The following LRRC37A2 variants were observed in gnomAD, a reference collection of about 807,000 sequenced individuals.
The protein encoded by LRRC37A2 is leucine rich repeat containing 37 member A2, also known as leucine-rich repeat-containing protein 37A2.
In LRRC37A2, 9 loss-of-function variants were observed where a neutral mutation model predicts 68.8. That is an observed-to-expected ratio of 0.13 (90% CI 0.08 to 0.23). The LOEUF (loss-of-function observed/expected upper bound fraction) is 0.23, where lower values mean the gene tolerates loss of function less well. Among genes scored for constraint, LRRC37A2 ranks in the 10% least tolerant of loss-of-function variants. The probability of loss-of-function intolerance (pLI) is 1.00; values close to 1 mark genes in which losing one functional copy is unlikely to be tolerated. For missense variants in LRRC37A2, 168 were observed against 950.4 expected (o/e 0.18, Z 10.82); for synonymous variants, 63 against 367.6 (o/e 0.17, Z 9.48).
the LRRC37A2 span, among the ~76,000 whole-genome samples, chr17:46,916,096 G>T: frequency 1.3e-5 from 2 of 152,152 alleles, no homozygotes; most frequent in Non-Finnish European, 2.9e-5. Flanking sequence ...CCTCCAGCTG[G>T]TACAAGGTGT....
the LRRC37A2 span, among the ~76,000 whole-genome samples, chr17:47,023,000 C>T: frequency 5.3e-5 from 8 of 152,184 alleles, no homozygotes; most frequent in Non-Finnish European, 1.0e-4. Context: ...AAATTTTGTG[C>T]CAACTTACTC....
At chr17:46,726,720 G>A in the LRRC37A2 span, 3 of 971,516 alleles carry the variant, frequency 3.1e-6, no homozygotes, top group Admixed American at 1.7e-5. Flanking sequence ...TAAAGCAATA[G>A]AAATACCTTT....
At chr17:46,848,178 G>A in the LRRC37A2 span, among the ~76,000 whole-genome samples, 1 of 152,196 alleles carries the variant, frequency 6.6e-6, no homozygotes, top group African/African-American at 2.4e-5. Context: ...ACACCCATGG[G>A]GGAACAGTGG....
chr17:46,874,739 G>A, the LRRC37A2 span, among the ~76,000 whole-genome samples: 15 of 151,860 alleles, frequency 9.9e-5, no homozygotes, highest in Non-Finnish European at 1.8e-4. Flanking sequence ...CACCATGCCC[G>A]GCTAATTTTT....
At chr17:46,860,258 C>A in the LRRC37A2 span, among the ~76,000 whole-genome samples, 3 of 152,110 alleles carry the variant, frequency 2.0e-5, no homozygotes, top group South Asian at 4.1e-4. Flanking sequence ...GGAAGCGGGG[C>A]CGGCAGACTC....
At chr17:46,942,640 G>C in the LRRC37A2 span, among the ~76,000 whole-genome samples, 2 of 152,222 alleles carry the variant, frequency 1.3e-5, no homozygotes, top group African/African-American at 4.8e-5. Context: ...TTCCCTGTTG[G>C]GAAATAATTT....
the LRRC37A2 span, among the ~76,000 whole-genome samples, chr17:46,938,360 C>T: frequency 2.6e-5 from 4 of 152,124 alleles, no homozygotes; most frequent in Non-Finnish European, 5.9e-5. Flanking sequence ...TATAGTCAGT[C>T]GTTCCAGCAC....
the LRRC37A2 span, among the ~76,000 whole-genome samples, chr17:46,918,596 GACACACACACACACACAC>G: frequency 3.0e-4 from 44 of 146,762 alleles, no homozygotes; most frequent in Middle Eastern, 6.8e-3. Context: ...ATAGCAGGCA[GACACACACACACACACAC>G]ACACACACAC....
At chr17:46,791,346 G>C in the LRRC37A2 span, among the ~76,000 whole-genome samples, 1 of 152,042 alleles carries the variant, frequency 6.6e-6, no homozygotes, top group African/African-American at 2.4e-5. Flanking sequence ...TGGGATTACA[G>C]ACGAGGACCA....
the LRRC37A2 span, among the ~76,000 whole-genome samples, chr17:46,707,353 CT>C: frequency 3.3e-5 from 5 of 152,096 alleles, no homozygotes; most frequent in Admixed American, 1.3e-4. Flanking sequence ...TTTATATACT[CT>C]TTTTTTCTCA....
the LRRC37A2 span, among the ~76,000 whole-genome samples, chr17:46,844,055 G>A: frequency 2.6e-5 from 4 of 152,186 alleles, no homozygotes; most frequent in Non-Finnish European, 4.4e-5. Context: ...CCATGCTCAA[G>A]AAATCCTCCC....
chr17:46,919,642 C>T, the LRRC37A2 span, among the ~76,000 whole-genome samples: 49 of 152,148 alleles, frequency 3.2e-4, no homozygotes, highest in East Asian at 2.5e-3. Flanking sequence ...AAAGAAAAAC[C>T]CAATCTGACA....
chr17:46,866,633 C>T, the LRRC37A2 span, among the ~76,000 whole-genome samples: 1 of 152,048 alleles, frequency 6.6e-6, no homozygotes, highest in Non-Finnish European at 1.5e-5. Flanking sequence ...TGGAAGCCAG[C>T]ACCCCGGGCA....
chr17:46,503,001 A>G, the LRRC37A2 span, among the ~76,000 whole-genome samples: 3 of 150,676 alleles, frequency 2.0e-5, no homozygotes, highest in African/African-American at 2.5e-5. Context: ...TCCCGATGTC[A>G]GGAGATGGAG....
At chr17:46,822,038 TG>T in the LRRC37A2 span, among the ~76,000 whole-genome samples, 35 of 151,978 alleles carry the variant, frequency 2.3e-4, 1 homozygote, top group East Asian at 4.9e-3. Flanking sequence ...CGGACCAACC[TG>T]GGGGGGTAAA....
the LRRC37A2 span, among the ~76,000 whole-genome samples, chr17:46,864,307 C>T: frequency 6.6e-6 from 1 of 152,176 alleles, no homozygotes; most frequent in Non-Finnish European, 1.5e-5. Flanking sequence ...CCCTGAACTT[C>T]CCACCCACTG....
At chr17:47,036,589 A>G in the LRRC37A2 span, among the ~76,000 whole-genome samples, 1 of 152,162 alleles carries the variant, frequency 6.6e-6, no homozygotes, top group East Asian at 1.9e-4. Context: ...CCATTTAAAA[A>G]AAAAAACATT....
chr17:46,716,624 TTA>T, the LRRC37A2 span, among the ~76,000 whole-genome samples: 1 of 152,132 alleles, frequency 6.6e-6, no homozygotes, highest in Non-Finnish European at 1.5e-5. Context: ...CACAAATAAT[TTA>T]TAGAGTTTTA....
the LRRC37A2 span, among the ~76,000 whole-genome samples, chr17:46,783,630 G>A: frequency 6.6e-6 from 1 of 152,216 alleles, no homozygotes; most frequent in East Asian, 1.9e-4. Flanking sequence ...CTGGGCCAGA[G>A]GGTGCACGGT....
Sources: allele counts gnomAD v4.1 joint callset (sites outside exome capture counted in the v4.1 genomes callset), GRCh38; gene constraint gnomAD v4.1.1; transcripts MANE v1.5; gene names NCBI Gene and HGNC (gene_info 2026-07-23, HGNC 2026-07-21).